The following ERBB4 variants were observed in gnomAD, a reference collection of about 807,000 sequenced individuals.
ERBB4 encodes receptor tyrosine-protein kinase erbB-4.
In ERBB4, 42 loss-of-function variants were observed where a neutral mutation model predicts 158.0. The observed-to-expected ratio is 0.27, with a 90% CI of 0.21 to 0.34. The LOEUF (loss-of-function observed/expected upper bound fraction) is 0.34. ERBB4 is among the 10% of genes least tolerant of loss of function. The pLI, the probability that ERBB4 is intolerant of heterozygous loss-of-function variation, is 1.00. For missense variants in ERBB4, 1,333 were observed against 1,624.1 expected, an observed-to-expected ratio of 0.82 and a Z score of 3.08; for synonymous variants, 583 against 558.7, an observed-to-expected ratio of 1.04 and a Z score of -0.61.
At chr2:211,435,715 G>A (rs2063836353) in intron 20 of ERBB4, among the ~76,000 whole-genome samples, 2 of 152,270 alleles carry the variant, frequency 1.3e-5, no homozygotes, top group South Asian at 4.1e-4. Flanking sequence ...ATGCCTGATG[G>A]TTTGAGGTAG....
chr2:211,384,208 T>C (rs1305571619), intron 27 of ERBB4, 148 bp from the exon 28 acceptor site: 1 of 649,746 alleles, frequency 1.5e-6, no homozygotes, highest in Non-Finnish European at 2.6e-6. Flanking sequence ...TATTTGTGGA[T>C]CACCATTGTC....
chr2:211,617,933 C>A (rs2125844736), intron 19 of ERBB4, among the ~76,000 whole-genome samples: 1 of 152,108 alleles, frequency 6.6e-6, no homozygotes, highest in South Asian at 2.1e-4. Context: ...GGCAAGATGT[C>A]TTGTATTGAA....
At chr2:211,598,846 TATTA>T (rs1318345800) in intron 19 of ERBB4, among the ~76,000 whole-genome samples, 1 of 152,182 alleles carries the variant, frequency 6.6e-6, no homozygotes, top group East Asian at 1.9e-4. Flanking sequence ...ACTCTTTATT[TATTA>T]GACTGCCCAT....
intron 2 of ERBB4, among the ~76,000 whole-genome samples, chr2:211,986,991 T>G (rs1398626276): frequency 6.6e-6 from 1 of 152,088 alleles, no homozygotes; most frequent in Non-Finnish European, 1.5e-5. Flanking sequence ...ATATAAATAT[T>G]AATGTAAGAT....
chr2:211,726,362 A>C (rs1447629102), intron 5 of ERBB4, among the ~76,000 whole-genome samples: 1 of 152,170 alleles, frequency 6.6e-6, no homozygotes, highest in African/African-American at 2.4e-5. Flanking sequence ...GTGGAGCTAC[A>C]GCATGCATTT....
chr2:212,424,191 T>C (rs958217565), intron 1 of ERBB4, among the ~76,000 whole-genome samples: 6 of 152,098 alleles, frequency 3.9e-5, no homozygotes, highest in African/African-American at 1.2e-4. Flanking sequence ...ATCAACTACC[T>C]ACTTAGCTAT....
At chr2:212,446,591 G>GTGTGTATATA (rs2092355369) in intron 1 of ERBB4, among the ~76,000 whole-genome samples, 1 of 27,518 alleles carries the variant, frequency 3.6e-5, no homozygotes, top group African/African-American at 1.8e-4. Flanking sequence ...ATATATATAT[G>GTGTGTATATA]TATATATATA....
At chr2:212,222,665 T>G (rs773811507) in intron 1 of ERBB4, among the ~76,000 whole-genome samples, 1 of 151,466 alleles carries the variant, frequency 6.6e-6, no homozygotes, top group Non-Finnish European at 1.5e-5. Flanking sequence ...GGTCCCAGTT[T>G]AAATGTCACT....
At chr2:211,521,156 T>C (rs1197440471) in intron 20 of ERBB4, among the ~76,000 whole-genome samples, 4 of 152,192 alleles carry the variant, frequency 2.6e-5, no homozygotes, top group Non-Finnish European at 2.9e-5. Flanking sequence ...GAAGGCATGT[T>C]GAAACCCAAG....
At chr2:212,479,308 CTCTCTT>C (rs564889152) in intron 1 of ERBB4, among the ~76,000 whole-genome samples, 88 of 152,170 alleles carry the variant, frequency 5.8e-4, no homozygotes, top group Middle Eastern at 3.4e-3. Context: ...ACCTCTTTCT[CTCTCTT>C]TCTCTTTCTC....
chr2:211,911,670 T>C (rs1316343797), intron 3 of ERBB4, among the ~76,000 whole-genome samples: 1 of 152,116 alleles, frequency 6.6e-6, no homozygotes, highest in Non-Finnish European at 1.5e-5. Context: ...TAAGAAATAA[T>C]GTGATGGAGA....
intron 19 of ERBB4, among the ~76,000 whole-genome samples, chr2:211,612,846 GT>G (rs1404684016): frequency 6.6e-6 from 1 of 152,192 alleles, no homozygotes; most frequent in South Asian, 2.1e-4. Flanking sequence ...TTGTCCAGAT[GT>G]GTTTTTGGCA....
chr2:211,919,462 A>T (rs1427938867), intron 3 of ERBB4, among the ~76,000 whole-genome samples: 3 of 152,092 alleles, frequency 2.0e-5, no homozygotes, highest in Non-Finnish European at 2.9e-5. Flanking sequence ...AAATAGTAGT[A>T]GTCACTTAAA....
chr2:211,392,730 G>A lies in ERBB4; in HGVS notation c.3136-4738C>T, dbSNP rs531535179. ...GTTGCCCAGGCTGGAGTGCAGTGGC[G>A]TGATCTCGGCTCACTGCAGTCTCTG... On this transcript the variant is annotated intron_variant, in intron 25 of 27. Coordinates refer to ENST00000342788, the MANE Select transcript of ERBB4 (RefSeq NM_005235.3). Among the ~76,000 whole-genome samples the A allele has an allele frequency of 7.0e-4, 106 of 152,146 alleles. 1 individual carries two copies. Among genetic ancestry groups the A allele is most frequent in the Admixed American group, 3.4e-3 (52 of 15,272 alleles).
At chr2:212,240,664 A>AAC (rs1559823322) in intron 1 of ERBB4, among the ~76,000 whole-genome samples, 18 of 148,234 alleles carry the variant, frequency 1.2e-4, no homozygotes, top group African/African-American at 4.5e-4. Context: ...AAAAAAAAAA[A>AAC]AAACAGAAAA....
intron 3 of ERBB4, among the ~76,000 whole-genome samples, chr2:211,917,563 T>C (rs975093224): frequency 1.3e-5 from 2 of 152,212 alleles, no homozygotes; most frequent in Non-Finnish European, 2.9e-5. Flanking sequence ...CAAAGAAGTC[T>C]GGTGCCAGAA....
intron 20 of ERBB4, among the ~76,000 whole-genome samples, chr2:211,499,751 T>C (rs1167268757): frequency 6.6e-6 from 1 of 152,116 alleles, no homozygotes; most frequent in Non-Finnish European, 1.5e-5. Context: ...GCTTTGCTCT[T>C]TCTAGGTGAA....
chr2:211,526,892 T>C (rs1270155766), intron 20 of ERBB4, among the ~76,000 whole-genome samples: 4 of 151,850 alleles, frequency 2.6e-5, no homozygotes, highest in Non-Finnish European at 5.9e-5. Flanking sequence ...GAAAATATGG[T>C]CAGAGGAGAC....
chr2:212,497,870 T>C (rs1414917398), intron 1 of ERBB4, among the ~76,000 whole-genome samples: 1 of 152,212 alleles, frequency 6.6e-6, no homozygotes, highest in Non-Finnish European at 1.5e-5. Flanking sequence ...ATTGAATAAG[T>C]TGTGGACATT....
Sources: allele counts gnomAD v4.1 joint callset (sites outside exome capture counted in the v4.1 genomes callset), GRCh38; gene constraint gnomAD v4.1.1; transcripts MANE v1.5; gene names NCBI Gene and HGNC (gene_info 2026-07-23, HGNC 2026-07-21).